Variants in SORCS3 observed in about 807,000 individuals in gnomAD.
SORCS3 encodes sortilin related VPS10 domain containing receptor 3.
A neutral mutation model predicts 146.3 loss-of-function variants in SORCS3; 57 were observed. That is an observed-to-expected ratio of 0.39 (90% CI 0.31 to 0.49). The LOEUF (loss-of-function observed/expected upper bound fraction) is 0.49. Ranked by LOEUF, SORCS3 falls within the 20% of genes least tolerant of loss-of-function variation. SORCS3 has a pLI of 0.92. For synonymous variants in SORCS3, 653 were observed against 618.5 expected, an observed-to-expected ratio of 1.06 and a Z score of -0.83; for missense variants, 1,341 against 1,575.5, an observed-to-expected ratio of 0.85 and a Z score of 2.52.
rs140098142 is a variant in SORCS3 at position 104,884,380 on chromosome 10, C to T, written c.696-31453C>T. On this transcript the variant is annotated intron_variant, in intron 2 of 26. Transcript: ENST00000369701. ...GATCTAACCACTGACATAAAGCAATCCAACATCTAGGATCTATGATATAAA... is the reference window on the plus strand; with the variant it reads ...GATCTAACCACTGACATAAAGCAATTCAACATCTAGGATCTATGATATAAA... Among the ~76,000 whole-genome samples the T allele has an allele frequency of 2.9e-3, 443 of 152,266 alleles. 2 individuals carry two copies. The highest frequency in any genetic ancestry group is 0.018 in the South Asian group (87 of 4,820).
intron 1 of SORCS3, among the ~76,000 whole-genome samples, chr10:104,696,090 TA>T (rs377245250): frequency 1.1e-3 from 24 of 20,980 alleles, no homozygotes; most frequent in Admixed American, 1.5e-3. Flanking sequence ...TATACACATA[TA>T]TAATATATCA....
chr10:105,263,980 A>G lies in SORCS3; in HGVS notation c.*606A>G, dbSNP rs1408668650. The G allele has an allele frequency of 1.3e-5, 2 of 152,726 alleles. No individual in the cohort carries two copies. The highest frequency in any genetic ancestry group is 4.8e-5 in the African/African-American group (2 of 41,440). 9.5% of individuals were successfully genotyped at this position (152,726 alleles called of 1,614,324 possible). ...TGTTTAGTAAAAAAGAAAACAGAAA[A>G]AAGAAAGATGCGTGTGTTGGCTTAC... On this transcript the variant is annotated 3_prime_UTR_variant, in exon 27 of 27. Coordinates refer to ENST00000369701, the MANE Select transcript of SORCS3 (RefSeq NM_014978.3).
chr10:104,863,199 G>A (rs2018424344), intron 2 of SORCS3, among the ~76,000 whole-genome samples: 2 of 152,188 alleles, frequency 1.3e-5, no homozygotes, highest in Admixed American at 1.3e-4. Flanking sequence ...GAAGCTTTGA[G>A]TGGTTTCTTG....
intron 1 of SORCS3, among the ~76,000 whole-genome samples, chr10:104,655,863 C>T (rs959896233): frequency 2.6e-5 from 4 of 152,152 alleles, no homozygotes; most frequent in African/African-American, 7.2e-5. Flanking sequence ...CTGAGGTCTC[C>T]CCAGAAGCAG....
chr10:104,821,902 G>A (rs2017876802), intron 1 of SORCS3, among the ~76,000 whole-genome samples: 1 of 152,158 alleles, frequency 6.6e-6, no homozygotes, highest in Admixed American at 6.5e-5. Flanking sequence ...AGATTCTGAA[G>A]CAGAGCCAGG....
chr10:105,051,425 T>C (rs2055412079), intron 5 of SORCS3, among the ~76,000 whole-genome samples: 1 of 152,176 alleles, frequency 6.6e-6, no homozygotes, highest in African/African-American at 2.4e-5. Flanking sequence ...AGATCTCACC[T>C]GTTCTGGAAT....
chr10:104,915,100 G>T (rs2019011520), intron 2 of SORCS3, among the ~76,000 whole-genome samples: 3 of 152,226 alleles, frequency 2.0e-5, no homozygotes, highest in East Asian at 1.9e-4. Flanking sequence ...ACCATGGAAG[G>T]CAGGATGGAA....
At chr10:104,749,226 GGT>G (rs60550253) in intron 1 of SORCS3, among the ~76,000 whole-genome samples, 31,866 of 140,462 alleles carry the variant, frequency 0.23, 3,557 homozygotes, top group African/African-American at 0.31. Flanking sequence ...CAAAGTATAG[GGT>G]GTGTGTGTGT....
intron 1 of SORCS3, among the ~76,000 whole-genome samples, chr10:104,658,501 T>G (rs757090065): frequency 2.0e-4 from 31 of 152,206 alleles, no homozygotes; most frequent in Non-Finnish European, 3.5e-4. Context: ...GGCATGATCT[T>G]GGCTCACTTG....
chr10:105,049,682 T>C (rs906705031), intron 5 of SORCS3, among the ~76,000 whole-genome samples: 3 of 152,084 alleles, frequency 2.0e-5, no homozygotes, highest in East Asian at 1.9e-4. Context: ...TGGATGGAGC[T>C]AGAGGCCATA....
At chr10:105,012,855 TCAGA>T (rs2055143228) in intron 4 of SORCS3, among the ~76,000 whole-genome samples, 1 of 152,144 alleles carries the variant, frequency 6.6e-6, no homozygotes, top group African/African-American at 2.4e-5. Flanking sequence ...GGCTTTAAAG[TCAGA>T]CAGACCTGAG....
chr10:104,675,936 G>T (rs2015907835), intron 1 of SORCS3, among the ~76,000 whole-genome samples: 1 of 152,156 alleles, frequency 6.6e-6, no homozygotes, highest in Non-Finnish European at 1.5e-5. Context: ...ATATCAGTCA[G>T]TAAGCTTGGG....
chr10:104,711,989 C>G (rs904365638), intron 1 of SORCS3, among the ~76,000 whole-genome samples: 4 of 152,188 alleles, frequency 2.6e-5, no homozygotes, highest in African/African-American at 9.7e-5. Flanking sequence ...CTTCCAATAA[C>G]CAAGTTACCA....
Position 104,785,842 on chromosome 10 carries a change from G to A in SORCS3, c.628-56950G>A, listed in dbSNP as rs1427514710. 2.6e-5 allele frequency among the ~76,000 whole-genome samples: 4 copies of A among 152,302 alleles called. No homozygotes were observed. In the South Asian group the frequency reaches 8.3e-4, roughly 32 times the overall value. On this transcript the variant is annotated intron_variant, in intron 1 of 26. Coordinates refer to ENST00000369701, the MANE Select transcript of SORCS3 (RefSeq NM_014978.3). Reference sequence around the variant, plus strand: ...GTTCCTTGGGGGCATGGATCCCTTTGAGAATCTGGTGAAAGTGGTCAATCT... The same window carrying A: ...GTTCCTTGGGGGCATGGATCCCTTTAAGAATCTGGTGAAAGTGGTCAATCT...
chr10:105,238,769 G>A (rs1304756611), intron 20 of SORCS3, among the ~76,000 whole-genome samples: 1 of 152,190 alleles, frequency 6.6e-6, no homozygotes, highest in African/African-American at 2.4e-5. Context: ...AAGTGCGTAT[G>A]TTTGTGTATC....
At chr10:104,991,411 T>C (rs971546871) in intron 4 of SORCS3, among the ~76,000 whole-genome samples, 3 of 152,074 alleles carry the variant, frequency 2.0e-5, no homozygotes, top group African/African-American at 7.2e-5. Context: ...CCAGCTTCTC[T>C]CTGCATCTTC....
chr10:105,077,966 G>C (rs1340708825), intron 5 of SORCS3, among the ~76,000 whole-genome samples: 1 of 152,192 alleles, frequency 6.6e-6, no homozygotes, highest in Non-Finnish European at 1.5e-5. Context: ...GTGCCCACGA[G>C]AGAAGCCGTG....
chr10:105,260,065 G>GATAA (rs2056952134), intron 25 of SORCS3, among the ~76,000 whole-genome samples: 1 of 152,168 alleles, frequency 6.6e-6, no homozygotes, highest in Non-Finnish European at 1.5e-5. Flanking sequence ...TGCAAATTGA[G>GATAA]ATACAAAATT....
intron 14 of SORCS3, among the ~76,000 whole-genome samples, chr10:105,195,498 G>T (rs1225076071): frequency 6.6e-6 from 1 of 152,124 alleles, no homozygotes; most frequent in East Asian, 1.9e-4. Context: ...TTCATGAAAA[G>T]AGAAGAAAAA....
Sources: gnomAD v4.1 joint callset for allele counts (sites outside exome capture counted in the v4.1 genomes callset) on GRCh38, gnomAD v4.1.1 for gene constraint, MANE v1.5 for transcripts, NCBI Gene and HGNC (gene_info 2026-07-23, HGNC 2026-07-21) for gene names.